KHDRBS2: variants seen among roughly 807,000 people sequenced by gnomAD.
KHDRBS2 encodes KH RNA binding domain containing, signal transduction associated 2.
In KHDRBS2, 26 loss-of-function variants were observed where a neutral mutation model predicts 44.3. The observed-to-expected ratio is 0.59, with a 90% CI of 0.43 to 0.81. The LOEUF (loss-of-function observed/expected upper bound fraction) is 0.81. Ranked by LOEUF, KHDRBS2 falls within the 40% of genes least tolerant of loss-of-function variation. KHDRBS2 has a pLI of 0.00. For synonymous variants in KHDRBS2, 194 were observed against 151.1 expected, an observed-to-expected ratio of 1.28 and a Z score of -2.08; for missense variants, 476 against 433.1, an observed-to-expected ratio of 1.10 and a Z score of -0.88.
intron 5 of KHDRBS2, among the ~76,000 whole-genome samples, chr6:61,895,758 A>G (rs1156797549): frequency 6.6e-6 from 1 of 152,164 alleles, no homozygotes; most frequent in African/African-American, 2.4e-5. Context: ...TTCAGTGGGA[A>G]CACTAAAGCT....
At chr6:61,670,561 A>C in the KHDRBS2 span, among the ~76,000 whole-genome samples, 3 of 151,528 alleles carry the variant, frequency 2.0e-5, no homozygotes, top group Non-Finnish European at 4.4e-5. Context: ...AGCAACATAT[A>C]ATTATAATTT....
At chr6:62,051,495 TA>T (rs892725846) in intron 2 of KHDRBS2, among the ~76,000 whole-genome samples, 42 of 151,144 alleles carry the variant, frequency 2.8e-4, no homozygotes, top group African/African-American at 8.5e-4. Context: ...GGTGCCCTTA[TA>T]AAAAAAAATC....
At chr6:61,565,809 T>C in the KHDRBS2 span, among the ~76,000 whole-genome samples, 1 of 152,092 alleles carries the variant, frequency 6.6e-6, no homozygotes, top group Non-Finnish European at 1.5e-5. Context: ...TGAAATTTCC[T>C]CAGAAAACTA....
At chr6:62,087,725 T>G (rs1798669981) in intron 2 of KHDRBS2, among the ~76,000 whole-genome samples, 1 of 152,152 alleles carries the variant, frequency 6.6e-6, no homozygotes, top group African/African-American at 2.4e-5. Context: ...TTTCCTGAAT[T>G]TTAATGTTGG....
the KHDRBS2 span, among the ~76,000 whole-genome samples, chr6:61,635,805 AG>A: frequency 2.0e-5 from 3 of 152,022 alleles, no homozygotes; most frequent in African/African-American, 7.2e-5. Flanking sequence ...CATAGTTTCT[AG>A]GTCACTGGAG....
At chr6:61,891,154 G>A (rs1395291591) in intron 6 of KHDRBS2, among the ~76,000 whole-genome samples, 1 of 152,186 alleles carries the variant, frequency 6.6e-6, no homozygotes, top group South Asian at 2.1e-4. Flanking sequence ...GAAGAGGACA[G>A]CATGTTTATG....
intron 1 of KHDRBS2, among the ~76,000 whole-genome samples, chr6:62,245,285 T>C (rs1417545513): frequency 6.6e-6 from 1 of 152,114 alleles, no homozygotes; most frequent in Non-Finnish European, 1.5e-5. Flanking sequence ...TCATCTCTGT[T>C]GCCCAGAGAC....
intron 8 of KHDRBS2, among the ~76,000 whole-genome samples, chr6:61,693,530 A>T (rs1402370158): frequency 1.3e-5 from 2 of 152,174 alleles, no homozygotes; most frequent in Non-Finnish European, 2.9e-5. Flanking sequence ...AGAGGAATGA[A>T]ATTTAGTTAG....
At chr6:61,864,351 T>C (rs1797478729) in intron 6 of KHDRBS2, among the ~76,000 whole-genome samples, 1 of 152,184 alleles carries the variant, frequency 6.6e-6, no homozygotes, top group South Asian at 2.1e-4. Context: ...GACTTGTTCA[T>C]ATGGTGGCTT....
chr6:62,208,431 A>G (rs1232091912), intron 1 of KHDRBS2, among the ~76,000 whole-genome samples: 1 of 152,136 alleles, frequency 6.6e-6, no homozygotes, highest in African/African-American at 2.4e-5. Context: ...ACAGTAAAAT[A>G]TTATTGTATA....
intron 1 of KHDRBS2, among the ~76,000 whole-genome samples, chr6:62,195,262 C>A (rs150246894): frequency 1.3e-5 from 2 of 152,192 alleles, no homozygotes; most frequent in East Asian, 1.9e-4. Flanking sequence ...TTTTTGTATG[C>A]GTTTGCATCC....
At chr6:61,626,882 T>C in the KHDRBS2 span, among the ~76,000 whole-genome samples, 1 of 152,154 alleles carries the variant, frequency 6.6e-6, no homozygotes, top group Non-Finnish European at 1.5e-5. Context: ...GTTTTTTTTT[T>C]GGAGTTTCAT....
chr6:62,153,511 A>G (rs1380037813), intron 2 of KHDRBS2, among the ~76,000 whole-genome samples: 4 of 152,184 alleles, frequency 2.6e-5, no homozygotes, highest in Non-Finnish European at 5.9e-5. Context: ...TTAAGCACGA[A>G]AAAGTAACTA....
At chr6:62,280,690 T>C (rs1469076683) in intron 1 of KHDRBS2, among the ~76,000 whole-genome samples, 2 of 152,240 alleles carry the variant, frequency 1.3e-5, no homozygotes, top group African/African-American at 4.8e-5. Flanking sequence ...TTTTCCAATA[T>C]TTGTGGCAAG....
At chr6:62,098,885 A>AT (rs1212750100) in intron 2 of KHDRBS2, among the ~76,000 whole-genome samples, 2 of 151,396 alleles carry the variant, frequency 1.3e-5, no homozygotes, top group East Asian at 1.9e-4. Flanking sequence ...TGGGCTCACT[A>AT]TTTTTTTCTT....
intron 6 of KHDRBS2, among the ~76,000 whole-genome samples, chr6:61,887,955 T>C (rs565654887): frequency 1.3e-5 from 2 of 152,158 alleles, no homozygotes; most frequent in Non-Finnish European, 2.9e-5. Context: ...CCTTACTCAT[T>C]AAATTGTTTT....
chr6:62,264,442 A>ACTG (rs1838858043), intron 1 of KHDRBS2, among the ~76,000 whole-genome samples: 1 of 151,794 alleles, frequency 6.6e-6, no homozygotes, highest in Non-Finnish European at 1.5e-5. Context: ...TCCAATTTAA[A>ACTG]CAGAAAGCCA....
chr6:61,561,384 T>G, the KHDRBS2 span, among the ~76,000 whole-genome samples: 1 of 152,278 alleles, frequency 6.6e-6, no homozygotes, highest in Admixed American at 6.5e-5. Flanking sequence ...CTGCCTGTGT[T>G]CTCTTAAAGC....
At chr6:61,578,174 G>T in the KHDRBS2 span, among the ~76,000 whole-genome samples, 3 of 152,082 alleles carry the variant, frequency 2.0e-5, 1 homozygote, top group Non-Finnish European at 4.4e-5. Context: ...GGGATGAATA[G>T]TGGGGAGATC....
Sources: allele counts gnomAD v4.1 joint callset (sites outside exome capture counted in the v4.1 genomes callset), GRCh38; gene constraint gnomAD v4.1.1; transcripts MANE v1.5; gene names NCBI Gene and HGNC (gene_info 2026-07-23, HGNC 2026-07-21).